The following BICC1 variants were observed in gnomAD, a reference collection of about 807,000 sequenced individuals.
BICC1 encodes protein bicaudal C homolog 1.
Under a neutral mutation model 111.0 loss-of-function variants are expected in BICC1, and 43 were observed. The ratio of observed to expected loss-of-function variants is 0.39; its 90% CI spans 0.30 to 0.50. The LOEUF is 0.50. BICC1 is among the 20% of genes least tolerant of loss of function. The pLI, the probability that BICC1 is intolerant of heterozygous loss-of-function variation, is 0.88. For synonymous variants in BICC1, 467 were observed against 434.4 expected (o/e 1.07, Z -0.93); for missense variants, 1,091 against 1,203.2 (o/e 0.91, Z 1.38).
chr10:58,520,549 A>G (rs751791996), intron 1 of BICC1, among the ~76,000 whole-genome samples: 2 of 152,176 alleles, frequency 1.3e-5, no homozygotes, highest in Non-Finnish European at 2.9e-5. Context: ...TGATGCTGGC[A>G]TATAAAAAGA....
intron 3 of BICC1, among the ~76,000 whole-genome samples, chr10:58,734,247 C>T (rs989615447): frequency 3.0e-4 from 46 of 152,184 alleles, no homozygotes; most frequent in African/African-American, 9.2e-4. Flanking sequence ...ACCCAGATGC[C>T]AGTATCCAAT....
At chr10:58,759,502 G>A (rs1168643445) in intron 3 of BICC1, among the ~76,000 whole-genome samples, 1 of 151,980 alleles carries the variant, frequency 6.6e-6, no homozygotes, top group East Asian at 1.9e-4. Context: ...TTGTATAGTG[G>A]CATAAAACAT....
chr10:58,809,141 G>A (rs1843814377), intron 17 of BICC1, among the ~76,000 whole-genome samples: 1 of 151,898 alleles, frequency 6.6e-6, no homozygotes, highest in African/African-American at 2.4e-5. Flanking sequence ...TCTTGCCTCA[G>A]CCTCCCAAGT....
intron 1 of BICC1, among the ~76,000 whole-genome samples, chr10:58,533,534 C>T (rs1649080): frequency 0.46 from 69,638 of 151,302 alleles, 17,045 homozygotes; most frequent in Admixed American, 0.62. Context: ...TCCCCTCATC[C>T]ATACAGAGTG....
At chr10:58,608,373 T>A (rs1845302967) in intron 1 of BICC1, among the ~76,000 whole-genome samples, 1 of 152,132 alleles carries the variant, frequency 6.6e-6, no homozygotes, top group African/African-American at 2.4e-5. Flanking sequence ...ACCATCTGGC[T>A]CCTTCTAGGC....
chr10:58,811,421 A>G (rs1843899532), intron 17 of BICC1, among the ~76,000 whole-genome samples: 1 of 152,254 alleles, frequency 6.6e-6, no homozygotes, highest in Non-Finnish European at 1.5e-5. Flanking sequence ...TAGAAATATT[A>G]AAGATATTTT....
At chr10:58,666,438 C>A (rs1436877244) in intron 2 of BICC1, among the ~76,000 whole-genome samples, 3 of 152,140 alleles carry the variant, frequency 2.0e-5, no homozygotes, top group Non-Finnish European at 4.4e-5. Context: ...CCTTCTCAGG[C>A]CATATTTAGT....
chr10:58,602,446 A>T (rs1370925284), intron 1 of BICC1, among the ~76,000 whole-genome samples: 6 of 152,188 alleles, frequency 3.9e-5, no homozygotes, highest in Non-Finnish European at 8.8e-5. Context: ...ACCATATTTA[A>T]AGGTGGTTTG....
chr10:58,771,259 T>A (rs1842616428), intron 3 of BICC1, among the ~76,000 whole-genome samples: 1 of 152,122 alleles, frequency 6.6e-6, no homozygotes, highest in Admixed American at 6.5e-5. Context: ...GGGGATGACA[T>A]TTTTAATATA....
At chr10:58,669,767 A>G (rs1272073602) in intron 2 of BICC1, among the ~76,000 whole-genome samples, 2 of 152,172 alleles carry the variant, frequency 1.3e-5, no homozygotes, top group African/African-American at 4.8e-5. Flanking sequence ...CTAATGAGCT[A>G]GAACTTTACC....
At chr10:58,648,667 A>G (rs1838345984) in intron 2 of BICC1, 6 of 984,816 alleles carry the variant, frequency 6.1e-6, no homozygotes, top group Non-Finnish European at 7.2e-6. Context: ...TCAGAACGCT[A>G]AGGTACAGAA....
At chr10:58,665,839 C>T (rs978883939) in intron 2 of BICC1, among the ~76,000 whole-genome samples, 1 of 152,108 alleles carries the variant, frequency 6.6e-6, no homozygotes. Flanking sequence ...TCTTTGTTAT[C>T]ATTTCTGATC....
intron 3 of BICC1, among the ~76,000 whole-genome samples, chr10:58,737,432 CCTT>C (rs992511053): frequency 1.2e-4 from 18 of 152,156 alleles, no homozygotes; most frequent in Non-Finnish European, 2.5e-4. Flanking sequence ...ATGAACTCAT[CCTT>C]CTTTATGGCT....
At chr10:58,754,760 A>T (rs199981734) in intron 3 of BICC1, among the ~76,000 whole-genome samples, 1 of 148,750 alleles carries the variant, frequency 6.7e-6, no homozygotes, top group Admixed American at 6.7e-5. Context: ...GGGGGTGTGT[A>T]TGTGTGTGTG....
At chr10:58,601,844 T>C (rs1190545914) in intron 1 of BICC1, among the ~76,000 whole-genome samples, 2 of 152,102 alleles carry the variant, frequency 1.3e-5, no homozygotes, top group Admixed American at 1.3e-4. Context: ...TCAAGGGTTG[T>C]ATCTTGAATT....
At chr10:58,772,545 G>A (rs1297754099) in intron 3 of BICC1, among the ~76,000 whole-genome samples, 1 of 152,104 alleles carries the variant, frequency 6.6e-6, no homozygotes, top group Non-Finnish European at 1.5e-5. Context: ...AACCAAAATT[G>A]AATCCTTTGA....
rs753233770 is a variant in BICC1, at chr10:58,800,272, T to G, written c.1804T>G (p.Ser602Ala). The change falls in exon 13 of 21, where the codon TCC becomes GCC. Residue 602 changes from serine (S) to alanine (A), a missense_variant. Around this residue, in one of 3 missense-constraint regions of BICC1, gnomAD observed 843 missense variants for 900.8 expected, o/e 0.94. Transcript: ENST00000373886. ...KVLSANHGDP[S>A]IQTSGSEQTS... ...GCTGAGTGCAAATCACGGGGATCCG[T>G]CCATCCAGACAAGTGGGTCTGAGCA... 8 of 1,613,580 alleles carry G rather than the reference T, an allele frequency of 5.0e-6. No individual in the cohort carries two copies. In the East Asian group the frequency reaches 1.8e-4, roughly 36 times the overall value.
rs553874247 is a variant in BICC1 at position 58,715,067 on chromosome 10, CAA to C, written c.307+12936_307+12937del. Among the ~76,000 whole-genome samples, 80 of 123,844 alleles carry C rather than the reference CAA, an allele frequency of 6.5e-4. 1 individual carries two copies. Among genetic ancestry groups the C allele is most frequent in the African/African-American group, 2.1e-3 (72 of 35,086 alleles). The allele number at this position is 123,844 out of a possible 152,430, so 81.2% of individuals were successfully genotyped here. A position where few individuals can be genotyped will look rare whatever the true frequency, so the allele number is the denominator to read the frequency against. ...TGGGCAACAGAGCAAGACTCTGTCT[CAA>C]AAAAAAAAAAAGATTAAAAATAATA... On this transcript the variant is annotated intron_variant, in intron 3 of 20. Transcript: ENST00000373886.
chr10:58,632,861 GGATAGATAGATAGATA>G, intron 2 of BICC1, among the ~76,000 whole-genome samples: 1 of 150,702 alleles, frequency 6.6e-6, no homozygotes, highest in South Asian at 2.1e-4. Context: ...ATAGATAGAT[GGATAGATAGATAGATA>G]GATAGATATC....
Sources: gnomAD v4.1 joint callset for allele counts (sites outside exome capture counted in the v4.1 genomes callset) on GRCh38, gnomAD v4.1.1 for gene constraint, gnomAD v4.1.1 regional missense constraint, MANE v1.5 for transcripts, NCBI Gene and HGNC (gene_info 2026-07-23, HGNC 2026-07-21) for gene names.